Variants in TMCC2 observed in about 807,000 individuals in gnomAD.
The protein encoded by TMCC2 is transmembrane and coiled-coil domain family 2.
TMCC2 carries 16 observed loss-of-function variants against 49.4 expected under a neutral mutation model. That is an observed-to-expected ratio of 0.32 (90% CI 0.22 to 0.49). The LOEUF (loss-of-function observed/expected upper bound fraction) is 0.49. Ranked by LOEUF, TMCC2 falls within the 20% of genes least tolerant of loss-of-function variation. The pLI is 0.99. For synonymous variants in TMCC2, 397 were observed against 434.1 expected, an observed-to-expected ratio of 0.91 and a Z score of 1.06; for missense variants, 762 against 989.8, an observed-to-expected ratio of 0.77 and a Z score of 3.09.
At chr1:205,246,152 G>T (rs1413475374) in intron 2 of TMCC2, among the ~76,000 whole-genome samples, 3 of 152,014 alleles carry the variant, frequency 2.0e-5, no homozygotes, top group South Asian at 2.1e-4. Flanking sequence ...AGCCACAAAG[G>T]TTTCTGATGA....
rs1448252832 is a variant in TMCC2, at chr1:205,264,739, G to A, written c.748-4211G>A. ...ACTCCTAACCTCAGGTGATCCGCCC[G>A]CCTTGGCCTCCCAAAGTGCTGGGAT... On this transcript the variant is annotated intron_variant, in intron 2 of 4. Transcript: ENST00000358024. This position sits in a 1 kb window ranked among gnomAD's most constrained non-coding sequence, Gnocchi z 4.2. Among the ~76,000 whole-genome samples, 3 of 152,116 alleles carry A rather than the reference G, an allele frequency of 2.0e-5. No homozygotes were observed. Among genetic ancestry groups the A allele is most frequent in the Admixed American group, 6.5e-5 (1 of 15,274 alleles).
intron 2 of TMCC2, among the ~76,000 whole-genome samples, chr1:205,265,563 CTTTT>C (rs938828110): frequency 2.9e-5 from 4 of 139,454 alleles, no homozygotes; most frequent in Admixed American, 7.1e-5. Flanking sequence ...ATTTTCTTTT[CTTTT>C]TTTTTTTTTT....
chr1:205,265,697 A>G (rs1335201509), intron 2 of TMCC2, among the ~76,000 whole-genome samples: 10 of 151,200 alleles, frequency 6.6e-5, no homozygotes, highest in Non-Finnish European at 1.3e-4. Context: ...AGTAGCTGGG[A>G]TTACAGGCGT....
At chr1:205,259,664 G>A (rs577734422) in intron 2 of TMCC2, among the ~76,000 whole-genome samples, 6 of 152,356 alleles carry the variant, frequency 3.9e-5, no homozygotes, top group Admixed American at 6.5e-5. Context: ...CCAGGGCCGG[G>A]TTGACACGAG....
rs1574855568 is a variant in TMCC2 at position 205,257,317 on chromosome 1, C to T, written c.748-11633C>T. ...TCCGCAGACAGCTGGGGCCTCAGAG[C>T]CCCGGGTACCTCATCGCCGGCACGG... On this transcript the variant is annotated intron_variant, in intron 2 of 4. Transcript: ENST00000358024. 5 of 1,232,146 alleles carry T rather than the reference C, an allele frequency of 4.1e-6. No homozygotes were observed. In the African/African-American group the frequency reaches 6.2e-5, roughly 15 times the overall value. 76.3% of individuals were successfully genotyped at this position (1,232,146 alleles called of 1,614,324 possible).
chr1:205,234,571 A>G (rs775424300), intron 1 of TMCC2, among the ~76,000 whole-genome samples: 2 of 152,256 alleles, frequency 1.3e-5, no homozygotes, highest in Non-Finnish European at 2.9e-5. Context: ...GGAAATACAT[A>G]GAAGTTAAAG....
intron 1 of TMCC2, chr1:205,229,749 G>C (rs964113175): frequency 2.0e-6 from 2 of 985,522 alleles, no homozygotes; most frequent in Middle Eastern, 5.2e-4. Context: ...CCAGCAGCTA[G>C]AACCAGAAGC....
chr1:205,242,377 G>T (rs1463672984), intron 2 of TMCC2, among the ~76,000 whole-genome samples: 2 of 152,150 alleles, frequency 1.3e-5, no homozygotes, highest in African/African-American at 4.8e-5. Context: ...AGCAACTCTG[G>T]TTCTGCCACT....
chr1:205,241,631 C>T lies in TMCC2; in HGVS notation c.334C>T (p.Gln112Ter), dbSNP rs1162463574. The T allele has an allele frequency of 1.2e-6, 2 of 1,613,972 alleles. No homozygotes were observed. ...GGATTCCCAGCAGCATCAGCAGCAG[C>T]AGGGTATGTCCGACCATGACTCCCC... ...SQDSQQHQQQQGMSDHDSPDE... is the reference protein window; with the variant it reads ...SQDSQQHQQQ The change falls in exon 2 of 5, where the codon CAG becomes TAG. Residue 112 changes from glutamine (Q) to a stop codon, truncating the protein, a stop_gained. Coordinates refer to ENST00000358024, the MANE Select transcript of TMCC2 (RefSeq NM_014858.4). LOFTEE classifies it high-confidence loss of function. This position sits in a 1 kb window ranked among gnomAD's most constrained non-coding sequence, Gnocchi z 7.3.
Position 205,272,233 on chromosome 1 carries a change from G to C in TMCC2, c.*109G>C, listed in dbSNP as rs751384175. The C allele has an allele frequency of 2.0e-5, 29 of 1,482,362 alleles. No homozygotes were observed. Among genetic ancestry groups the C allele is most frequent in the Non-Finnish European group, 2.4e-5 (27 of 1,117,592 alleles). The allele number at this position is 1,482,362 out of a possible 1,614,324, so 91.8% of individuals were successfully genotyped here. Reference sequence around the variant, plus strand: ...TCCAGTTTGGCCTCCTGCCCAAACTGTCCATTCCAGCAGCTCCTGCCCCCT... The same window carrying C: ...TCCAGTTTGGCCTCCTGCCCAAACTCTCCATTCCAGCAGCTCCTGCCCCCT... On this transcript the variant is annotated 3_prime_UTR_variant, in exon 5 of 5. Coordinates refer to ENST00000358024, the MANE Select transcript of TMCC2 (RefSeq NM_014858.4).
chr1:205,252,396 C>T (rs990495859), intron 2 of TMCC2, among the ~76,000 whole-genome samples: 4 of 152,330 alleles, frequency 2.6e-5, no homozygotes, highest in Middle Eastern at 6.8e-3. Context: ...TATTCCTCCA[C>T]GTATTCCTAG....
At chr1:205,246,963 A>G (rs1660477376) in intron 2 of TMCC2, among the ~76,000 whole-genome samples, 1 of 152,076 alleles carries the variant, frequency 6.6e-6, no homozygotes, top group South Asian at 2.1e-4. Context: ...GGGCTCTGCC[A>G]TGTGGCTCAC....
intron 1 of TMCC2, among the ~76,000 whole-genome samples, chr1:205,235,086 AG>A (rs1171943178): frequency 6.6e-6 from 1 of 152,206 alleles, no homozygotes; most frequent in East Asian, 1.9e-4. Context: ...TAGAATGATC[AG>A]GAACAATGGA....
intron 1 of TMCC2, chr1:205,229,147 G>T (rs961494385): frequency 2.8e-6 from 3 of 1,066,566 alleles, no homozygotes; most frequent in Non-Finnish European, 3.4e-6. Context: ...CTACCCATTG[G>T]GATCTTTGTG....
At chr1:205,239,788 AT>A (rs998135246) in intron 1 of TMCC2, among the ~76,000 whole-genome samples, 64 of 152,164 alleles carry the variant, frequency 4.2e-4, no homozygotes, top group African/African-American at 1.4e-3. Context: ...AAATCCTAAA[AT>A]TTTACACAAA....
At chr1:205,248,046 A>G (rs1479626150) in intron 2 of TMCC2, among the ~76,000 whole-genome samples, 1 of 152,224 alleles carries the variant, frequency 6.6e-6, no homozygotes, top group Non-Finnish European at 1.5e-5. Context: ...TATTCCTGCT[A>G]GATCCACTTA....
In TMCC2 at chr1:205,241,906, G is replaced by A; in HGVS notation, c.609G>A (p.Gln203=). 1 of 1,609,726 alleles carries A rather than the reference G, an allele frequency of 6.2e-7. No individual in the cohort carries two copies. Among genetic ancestry groups the A allele is most frequent in the Non-Finnish European group, 8.5e-7 (1 of 1,179,294 alleles). ...GSPHLLRKAP[Q]DSSLAAILHQ... ...CTCACCTGCTGCGCAAGGCCCCCCA[G>A]GACAGCAGCCTGGCCGCCATCCTGC... is the stretch of plus-strand genomic sequence containing the variant. Residue 203 remains glutamine, a synonymous_variant, in exon 2 of 5, where the codon CAG becomes CAA. Transcript: ENST00000358024. This position sits in a 1 kb window ranked among gnomAD's most constrained non-coding sequence, Gnocchi z 7.3.
intron 2 of TMCC2, chr1:205,246,749 CTCTGGT>C: frequency 6.7e-7 from 1 of 1,503,414 alleles, no homozygotes; most frequent in Non-Finnish European, 9.0e-7. Flanking sequence ...AAGCAGGAGT[CTCTGGT>C]ATGCAGCTAT....
intron 2 of TMCC2, among the ~76,000 whole-genome samples, chr1:205,243,404 C>CA (rs145949073): frequency 0.26 from 40,210 of 151,812 alleles, 7,103 homozygotes; most frequent in Non-Finnish European, 0.39. Flanking sequence ...AAAAAACCAA[C>CA]AAAAAAAATC....
Sources: allele counts gnomAD v4.1 joint callset (sites outside exome capture counted in the v4.1 genomes callset), GRCh38; gene constraint gnomAD v4.1.1; non-coding constraint Gnocchi (gnomAD v3.1); transcripts MANE v1.5; gene names NCBI Gene and HGNC (gene_info 2026-07-23, HGNC 2026-07-21).